RFWD3: variants seen among roughly 807,000 people sequenced by gnomAD.
The protein encoded by RFWD3 is E3 ubiquitin-protein ligase RFWD3.
Under a neutral mutation model 87.7 loss-of-function variants are expected in RFWD3, and 65 were observed. The ratio of observed to expected loss-of-function variants is 0.74; its 90% confidence interval spans 0.61 to 0.91. The LOEUF is 0.91. Ranked by LOEUF, RFWD3 falls within the 40% of genes least tolerant of loss-of-function variation. The probability of loss-of-function intolerance (pLI) is 0.00; values close to 1 mark genes in which losing one functional copy is unlikely to be tolerated. For missense variants in RFWD3, 1,078 were observed against 938.5 expected, an observed-to-expected ratio of 1.15 and a Z score of -1.94; for synonymous variants, 433 against 352.8, an observed-to-expected ratio of 1.23 and a Z score of -2.55.
chr16:74,661,355 C>A lies in RFWD3; in HGVS notation c.95G>T (p.Gly32Val), dbSNP rs533062966. Reference sequence around the variant, plus strand: ...AGGAACAGGCTGGAGGAGGGCTGGTCCCCCTTGGCTGCTGGCCATGCCAGC... The same window carrying A: ...AGGAACAGGCTGGAGGAGGGCTGGTACCCCTTGGCTGCTGGCCATGCCAGC... The part of the protein sequence containing the change: ...APAGMASSQG[G>V]PALLQPVPAD... The change falls in exon 2 of 13, where the codon GGA becomes GTA. Residue 32 changes from glycine (G) to valine (V), a missense_variant. By Grantham distance (109) the Gly-to-Val change is moderately radical. Transcript: ENST00000361070. 4 of 1,613,894 alleles carry A rather than the reference C, an allele frequency of 2.5e-6. No individual in the cohort carries two copies. In the Admixed American group the frequency reaches 6.7e-5, roughly 27 times the overall value.
intron 2 of RFWD3, 43 bp downstream of exon 2, chr16:74,660,889 C>A: frequency 6.4e-7 from 1 of 1,555,202 alleles, no homozygotes; most frequent in South Asian, 1.2e-5. Flanking sequence ...TTCATAATTT[C>A]TAGTACAGCA....
rs1362340589 is a variant in RFWD3, at chr16:74,666,817, A to AG, written c.-35dup. ...CCAGCAGGCCGCGGCCGGGCTCGCGAGCCCGCCGAAGACTCGGTAGTTACC... is the reference window on the plus strand; with the variant it reads ...CCAGCAGGCCGCGGCCGGGCTCGCGAGGCCCGCCGAAGACTCGGTAGTTACC... On this transcript the variant is annotated 5_prime_UTR_variant, in exon 1 of 13. Coordinates refer to ENST00000361070, the MANE Select transcript of RFWD3 (RefSeq NM_018124.4). 1.2e-4 allele frequency: 4 copies of AG among 34,742 alleles called. No individual in the cohort carries two copies. Among genetic ancestry groups the AG allele is most frequent in the African/African-American group, 9.2e-4 (4 of 4,366 alleles). The allele number at this position is 34,742 out of a possible 1,614,324, so 2.2% of individuals were successfully genotyped here. A position where few individuals can be genotyped will look rare whatever the true frequency, so the allele number is the denominator to read the frequency against.
chr16:74,650,395 G>A (rs565760723), intron 3 of RFWD3, among the ~76,000 whole-genome samples: 1 of 150,868 alleles, frequency 6.6e-6, no homozygotes, highest in Middle Eastern at 3.2e-3. Context: ...GCTGGTGTGT[G>A]TGTGTATACA....
intron 1 of RFWD3, among the ~76,000 whole-genome samples, chr16:74,663,684 G>A (rs1004014594): frequency 2.6e-5 from 4 of 152,172 alleles, no homozygotes; most frequent in African/African-American, 9.7e-5. Flanking sequence ...CGACACAAAT[G>A]CAAACAGGGT....
rs1958793258 is a variant in RFWD3, at chr16:74,622,229, A to C, written c.*1699T>G. 6.6e-6 allele frequency: 1 copy of C among 152,202 alleles called. No individual in the cohort carries two copies. Among genetic ancestry groups the C allele is most frequent in the Non-Finnish European group, 1.5e-5 (1 of 68,028 alleles). 9.4% of individuals were successfully genotyped at this position (152,202 alleles called of 1,614,324 possible). ...CCAATCCTATTCTGCCACTGAAACT[A>C]GGCCTGGGCAACCACTCTTAATCAT... is the stretch of plus-strand genomic sequence containing the variant. On this transcript the variant is annotated 3_prime_UTR_variant, in exon 13 of 13. Coordinates refer to ENST00000361070, the MANE Select transcript of RFWD3 (RefSeq NM_018124.4).
rs566697553 is a variant in RFWD3 at position 74,642,272 on chromosome 16, A to G, written c.1079+2090T>C. 2.8e-3 allele frequency among the ~76,000 whole-genome samples: 418 copies of G among 151,738 alleles called. 1 individual carries two copies. Among genetic ancestry groups the G allele is most frequent in the Non-Finnish European group, 5.3e-3 (362 of 67,902 alleles). ...CGAGTTGCTGGCATTACAGGCACGC[A>G]CCACCACATCCGGATAATTTTTTGT... On this transcript the variant is annotated intron_variant, in intron 6 of 12. Transcript: ENST00000361070.
chr16:74,649,198 T>C lies in RFWD3; in HGVS notation c.726A>G (p.Gln242=), dbSNP rs149834080. 16 of 1,559,450 alleles carry C rather than the reference T, an allele frequency of 1.0e-5. No individual in the cohort carries two copies. Among genetic ancestry groups the C allele is most frequent in the Non-Finnish European group, 1.3e-5 (15 of 1,161,380 alleles). The change falls in exon 4 of 13, where the codon CAA becomes CAG. Residue 242 remains glutamine, a synonymous_variant. Coordinates refer to ENST00000361070, the MANE Select transcript of RFWD3 (RefSeq NM_018124.4). ...EESGAVILEE[Q]LAGVSAEQEV... is the part of the protein sequence containing the mutation. ...CTTGCTCTGCTGAGACACCTGCTAGTTGCTCTGCCAAGTCATTTCCAGAAA... is the reference window on the plus strand; with the variant it reads ...CTTGCTCTGCTGAGACACCTGCTAGCTGCTCTGCCAAGTCATTTCCAGAAA...
At position 74,661,383 on chromosome 16, in the gene RFWD3, G is replaced by C. The variant is rs1185484539; in HGVS notation, c.67C>G (p.Pro23Ala). 6.2e-7 allele frequency: 1 copy of C among 1,613,868 alleles called. No homozygotes were observed. The highest frequency in any genetic ancestry group is 1.1e-5 in the South Asian group (1 of 91,064). The stretch of plus-strand genomic sequence containing the variant: ...CCTTGGCTGCTGGCCATGCCAGCAG[G>C]AGCTGGCTGTTGTTCGGCATGATTT... The part of the protein sequence containing the change: ...QLNHAEQQPA[P>A]AGMASSQGGP... The change falls in exon 2 of 13, where the codon CCT becomes GCT. Residue 23 changes from proline (P) to alanine (A), a missense_variant. By Grantham distance (27) the Pro-to-Ala change is conservative. Coordinates refer to ENST00000361070, the MANE Select transcript of RFWD3 (RefSeq NM_018124.4).
At chr16:74,663,247 T>C (rs1597463258) in intron 1 of RFWD3, among the ~76,000 whole-genome samples, 1 of 152,078 alleles carries the variant, frequency 6.6e-6, no homozygotes, top group African/African-American at 2.4e-5. Context: ...TTAAACCACC[T>C]GAGGAACAGA....
intron 10 of RFWD3, among the ~76,000 whole-genome samples, chr16:74,629,795 C>T (rs1959036956): frequency 6.6e-6 from 1 of 152,076 alleles, no homozygotes; most frequent in South Asian, 2.1e-4. Flanking sequence ...CAGTTGGAAA[C>T]ATAAATTATC....
chr16:74,647,051 C>T (rs1410877629), intron 4 of RFWD3, among the ~76,000 whole-genome samples: 1 of 151,328 alleles, frequency 6.6e-6, no homozygotes, highest in Non-Finnish European at 1.5e-5. Flanking sequence ...CATGCCACTG[C>T]ACTCCAGCCT....
At chr16:74,649,344 C>G in intron 3 of RFWD3, 142 bp from the exon 4 acceptor site, 1 of 556,140 alleles carries the variant, frequency 1.8e-6, no homozygotes, top group Non-Finnish European at 3.2e-6. Context: ...AGGATGACAA[C>G]TTCCCCAGGT....
chr16:74,662,907 CTT>C (rs796872698), intron 1 of RFWD3, among the ~76,000 whole-genome samples: 30 of 137,806 alleles, frequency 2.2e-4, no homozygotes, highest in Admixed American at 4.4e-4. Flanking sequence ...GGTCATGCTT[CTT>C]TTTTTTTTTT....
rs767977113 is a variant in RFWD3 at position 74,626,414 on chromosome 16, T to C, written c.2110A>G (p.Ile704Val). Residue 704 changes from isoleucine (I) to valine (V), a missense_variant, in exon 12 of 13, where the codon ATT becomes GTT. Coordinates refer to ENST00000361070, the MANE Select transcript of RFWD3 (RefSeq NM_018124.4). ...CCATCATTCTCTGGGCTTTGGAAAA[T>C]GGCATTTTTGGTCAATAGTTTGCAA... ...PTCKLLTKNA[I>V]FQSPENDGNI... 3 of 1,614,060 alleles carry C rather than the reference T, an allele frequency of 1.9e-6. No homozygotes were observed. The highest frequency in any genetic ancestry group is 1.3e-5 in the African/African-American group (1 of 74,932).
intron 1 of RFWD3, among the ~76,000 whole-genome samples, chr16:74,662,005 T>G (rs905831097): frequency 6.6e-6 from 1 of 151,800 alleles, no homozygotes; most frequent in Non-Finnish European, 1.5e-5. Flanking sequence ...CCTTTCATTA[T>G]TTTTGTTTTC....
chr16:74,637,674 C>A (rs1249025250), intron 7 of RFWD3, among the ~76,000 whole-genome samples, 182 bp downstream of exon 7: 1 of 152,112 alleles, frequency 6.6e-6, no homozygotes, highest in Non-Finnish European at 1.5e-5. Flanking sequence ...TAGACCTCAT[C>A]ATAAAGTGTG....
At chr16:74,644,172 G>A in intron 6 of RFWD3, 190 bp downstream of exon 6, 1 of 641,180 alleles carries the variant, frequency 1.6e-6, no homozygotes, top group Non-Finnish European at 2.8e-6. Context: ...AAACGATGCA[G>A]ACTTCCTTAA....
chr16:74,624,749 A>C (rs538070057), intron 12 of RFWD3, among the ~76,000 whole-genome samples: 1 of 152,322 alleles, frequency 6.6e-6, no homozygotes, highest in Non-Finnish European at 1.5e-5. Context: ...TAATTCCAAC[A>C]CTTTGGGAGT....
chr16:74,636,460 A>G lies in RFWD3; in HGVS notation c.1312T>C (p.Phe438Leu), dbSNP rs748374779. The G allele has an allele frequency of 6.2e-7, 1 of 1,614,126 alleles. No homozygotes were observed. The highest frequency in any genetic ancestry group is 1.3e-5 in the African/African-American group (1 of 75,044). The change falls in exon 8 of 13, where the codon TTC (phenylalanine) becomes CTC (leucine). Residue 438 changes from phenylalanine (F) to leucine (L), a missense_variant. Transcript: ENST00000361070. Reference sequence around the variant, plus strand: ...TGAGATACTGTGAAGGTCTTTTGGAAGTGGTACTTGTGCTTGTGCTGGCCC... The same window carrying G: ...TGAGATACTGTGAAGGTCTTTTGGAGGTGGTACTTGTGCTTGTGCTGGCCC... The part of the protein sequence containing the change: ...SQGQHKHKYH[F>L]QKTFTVSQAG...
Sources: allele counts gnomAD v4.1 joint callset (sites outside exome capture counted in the v4.1 genomes callset), GRCh38; gene constraint gnomAD v4.1.1; transcripts MANE v1.5; gene names NCBI Gene and HGNC (gene_info 2026-07-23, HGNC 2026-07-21).